The following NOL4 variants were observed in gnomAD, a reference collection of about 807,000 sequenced individuals.
The protein encoded by NOL4 is nucleolar protein 4, also known as cancer/testis antigen 125.
Under a neutral mutation model 75.9 loss-of-function variants are expected in NOL4, and 17 were observed. That is an observed-to-expected ratio of 0.22 (90% CI 0.15 to 0.34). The LOEUF is 0.34. Among genes scored for constraint, NOL4 ranks in the 10% least tolerant of loss-of-function variants. The pLI is 1.00. For synonymous variants in NOL4, 292 were observed against 289.9 expected (o/e 1.01, Z -0.07); for missense variants, 614 against 793.5 (o/e 0.77, Z 2.72).
intron 5 of NOL4, among the ~76,000 whole-genome samples, chr18:34,058,780 A>G (rs1600431490): frequency 6.6e-6 from 1 of 152,184 alleles, no homozygotes; most frequent in African/African-American, 2.4e-5. Flanking sequence ...ATATTGCAAT[A>G]ATGAATGAAT....
intron 5 of NOL4, among the ~76,000 whole-genome samples, chr18:34,081,195 A>T (rs1032180239): frequency 6.6e-6 from 1 of 152,172 alleles, no homozygotes; most frequent in Non-Finnish European, 1.5e-5. Context: ...AGTACTTTTA[A>T]TGAATGTTAT....
intron 10 of NOL4, among the ~76,000 whole-genome samples, chr18:33,875,265 T>C (rs1421135846): frequency 6.6e-6 from 1 of 151,986 alleles, no homozygotes; most frequent in Non-Finnish European, 1.5e-5. Context: ...ATGTAAATGG[T>C]GTGATAATAA....
Position 34,224,447 on chromosome 18 carries a change from G to C in NOL4, c.-1194C>G, listed in dbSNP as rs371952541. The C allele has an allele frequency of 3.4e-4, 52 of 152,236 alleles. No homozygotes were observed. The highest frequency in any genetic ancestry group is 1.3e-3 in the African/African-American group (52 of 41,456). 9.4% of individuals were successfully genotyped at this position (152,236 alleles called of 1,614,324 possible). A position where few individuals can be genotyped will look rare whatever the true frequency, so the allele number is the denominator to read the frequency against. ...CTATTTTTCCAAGCAGATGAAGTCA[G>C]CAGTTGCTCCATTCAGGACTTCCAT... On this transcript the variant is annotated 5_prime_UTR_variant, in exon 1 of 11. Transcript: ENST00000261592.
intron 4 of NOL4, among the ~76,000 whole-genome samples, chr18:34,096,536 A>G (rs2078787936): frequency 6.6e-6 from 1 of 152,180 alleles, no homozygotes; most frequent in African/African-American, 2.4e-5. Context: ...CTAAGAATAA[A>G]GAATCAGAAA....
chr18:34,144,656 C>T (rs769512063), intron 1 of NOL4, among the ~76,000 whole-genome samples: 9 of 152,050 alleles, frequency 5.9e-5, no homozygotes, highest in Non-Finnish European at 1.2e-4. Flanking sequence ...AGGCTAAAAA[C>T]GAGTTACCCC....
At chr18:34,015,208 T>C (rs2074612924) in intron 6 of NOL4, among the ~76,000 whole-genome samples, 1 of 152,034 alleles carries the variant, frequency 6.6e-6, no homozygotes, top group Non-Finnish European at 1.5e-5. Flanking sequence ...GGATTAAGAT[T>C]GCAGGAAGAA....
rs558403685 is a variant in NOL4, at chr18:33,874,682, G to A, written c.1723+8562C>T. Among the ~76,000 whole-genome samples the A allele has an allele frequency of 8.5e-5, 13 of 152,058 alleles. No individual in the cohort carries two copies. The East Asian group carries it at 1.2e-3, about 14-fold the overall frequency. On this transcript the variant is annotated intron_variant, in intron 10 of 10. Coordinates refer to ENST00000261592, the MANE Select transcript of NOL4 (RefSeq NM_003787.5). Reference sequence around the variant, plus strand: ...AAATGGTGGGGAGAAGCTGGTTATCGTGGAATGAAAAGTAAAAGGGAGGTA... The same window carrying A: ...AAATGGTGGGGAGAAGCTGGTTATCATGGAATGAAAAGTAAAAGGGAGGTA...
chr18:34,098,132 T>C (rs1207484851), intron 4 of NOL4, among the ~76,000 whole-genome samples: 1 of 152,162 alleles, frequency 6.6e-6, no homozygotes, highest in Non-Finnish European at 1.5e-5. Context: ...CCACTGCCCC[T>C]TACATGCATG....
At chr18:34,077,564 TAA>T (rs1600503151) in intron 5 of NOL4, among the ~76,000 whole-genome samples, 2 of 152,124 alleles carry the variant, frequency 1.3e-5, no homozygotes, top group African/African-American at 4.8e-5. Context: ...ACTTTAAATA[TAA>T]GTCATAATAT....
chr18:33,972,756 T>TA (rs1401869517), intron 6 of NOL4, among the ~76,000 whole-genome samples: 2 of 152,346 alleles, frequency 1.3e-5, no homozygotes, highest in African/African-American at 4.8e-5. Context: ...TGTAGTCTAT[T>TA]AAGTGTGCAA....
At chr18:33,953,187 G>A (rs980683586) in intron 8 of NOL4, among the ~76,000 whole-genome samples, 3 of 105,444 alleles carry the variant, frequency 2.8e-5, no homozygotes, top group African/African-American at 9.8e-5. Context: ...TAGAAGAAAA[G>A]CGTTTTAATC....
intron 10 of NOL4, among the ~76,000 whole-genome samples, chr18:33,871,016 G>A (rs547541259): frequency 6.6e-6 from 1 of 152,178 alleles, no homozygotes; most frequent in African/African-American, 2.4e-5. Flanking sequence ...AACTTGCACT[G>A]TGTGGACTCA....
chr18:34,140,465 G>C (rs2081095409), intron 1 of NOL4, among the ~76,000 whole-genome samples: 2 of 152,010 alleles, frequency 1.3e-5, no homozygotes, highest in Admixed American at 1.3e-4. Context: ...ATCTTTGTTG[G>C]TTTAAGGTCT....
At chr18:33,943,353 A>C (rs1283733330) in intron 8 of NOL4, among the ~76,000 whole-genome samples, 175 bp from the exon 9 acceptor site, 1 of 151,566 alleles carries the variant, frequency 6.6e-6, no homozygotes, top group Admixed American at 6.6e-5. Flanking sequence ...GAAAAATGAA[A>C]GCTAGTTAGA....
intron 6 of NOL4, among the ~76,000 whole-genome samples, chr18:34,011,369 ACT>A (rs765424153): frequency 1.3e-5 from 2 of 151,756 alleles, no homozygotes; most frequent in Admixed American, 6.6e-5. Context: ...AGAATTTATA[ACT>A]CTATGAGTCT....
chr18:34,168,280 G>A (rs1207255588), intron 1 of NOL4, among the ~76,000 whole-genome samples: 1 of 151,754 alleles, frequency 6.6e-6, no homozygotes, highest in Non-Finnish European at 1.5e-5. Flanking sequence ...TTTCTCAATA[G>A]GAAGTAAAAT....
rs181113150 is a variant in NOL4 at position 34,162,439 on chromosome 18, A to G, written c.265-32419T>C. ...CAATCCCACAGAAATACAAACTACCATCAGAGAATACTACAAACACCTCTA... is the reference window on the plus strand; with the variant it reads ...CAATCCCACAGAAATACAAACTACCGTCAGAGAATACTACAAACACCTCTA... On this transcript the variant is annotated intron_variant, in intron 1 of 10. Transcript: ENST00000261592. Among the ~76,000 whole-genome samples, 1,058 of 152,340 alleles carry G rather than the reference A, an allele frequency of 6.9e-3. 11 individuals are homozygous for G. Among genetic ancestry groups the G allele is most frequent in the Middle Eastern group, 0.017 (5 of 294 alleles).
chr18:33,854,530 G>A (rs1011848497), intron 10 of NOL4, among the ~76,000 whole-genome samples: 4 of 151,978 alleles, frequency 2.6e-5, no homozygotes, highest in Admixed American at 2.0e-4. Context: ...CTGTGTTGAG[G>A]CAAATCATTA....
chr18:33,916,979 T>C (rs2066756631), intron 9 of NOL4, among the ~76,000 whole-genome samples: 1 of 152,204 alleles, frequency 6.6e-6, no homozygotes, highest in African/African-American at 2.4e-5. Flanking sequence ...TTCAGCATTA[T>C]CTTTACTTGA....
Sources: gnomAD v4.1 joint callset for allele counts (sites outside exome capture counted in the v4.1 genomes callset) on GRCh38, gnomAD v4.1.1 for gene constraint, MANE v1.5 for transcripts, NCBI Gene and HGNC (gene_info 2026-07-23, HGNC 2026-07-21) for gene names.